Variants in ARHGAP25 observed in about 807,000 individuals in gnomAD.
ARHGAP25 encodes rho GTPase-activating protein 25.
In ARHGAP25, 34 loss-of-function variants were observed where a neutral mutation model predicts 71.0. The observed-to-expected ratio is 0.48, with a 90% CI of 0.36 to 0.64. The LOEUF (loss-of-function observed/expected upper bound fraction) is 0.64. ARHGAP25 is among the 30% of genes least tolerant of loss of function. The pLI is 0.00. For missense variants in ARHGAP25, 706 were observed against 805.1 expected (o/e 0.88, Z 1.49); for synonymous variants, 282 against 296.5 (o/e 0.95, Z 0.50).
chr2:68,810,359 C>A (rs1348559010), intron 5 of ARHGAP25, among the ~76,000 whole-genome samples: 1 of 152,132 alleles, frequency 6.6e-6, no homozygotes, highest in East Asian at 1.9e-4. Flanking sequence ...AGAACAGGGG[C>A]TTTTCACATG....
chr2:68,790,176 A>G (rs1219011675), intron 4 of ARHGAP25, among the ~76,000 whole-genome samples: 1 of 152,140 alleles, frequency 6.6e-6, no homozygotes, highest in Non-Finnish European at 1.5e-5. Flanking sequence ...TTTAGTAAAG[A>G]CAGGGTTTCA....
chr2:68,714,931 T>C (rs1324994068), intron 2 of ARHGAP25, among the ~76,000 whole-genome samples: 2 of 152,200 alleles, frequency 1.3e-5, no homozygotes, highest in Non-Finnish European at 1.5e-5. Flanking sequence ...TAATAAAATG[T>C]CTCACTTCCC....
chr2:68,816,211 T>C, intron 6 of ARHGAP25, 78 bp from the exon 7 acceptor site: 1 of 1,200,578 alleles, frequency 8.3e-7, no homozygotes. Flanking sequence ...ACACCAATTC[T>C]GTCCCAGGGT....
At chr2:68,782,903 A>G (rs886431124) in intron 3 of ARHGAP25, among the ~76,000 whole-genome samples, 55 of 152,316 alleles carry the variant, frequency 3.6e-4, no homozygotes, top group African/African-American at 1.3e-3. Context: ...CCACACTGAG[A>G]TGCTTCTACT....
intron 3 of ARHGAP25, among the ~76,000 whole-genome samples, chr2:68,783,369 T>A (rs536335291): frequency 7.2e-5 from 11 of 152,298 alleles, no homozygotes; most frequent in South Asian, 4.1e-4. Context: ...AGAAAAAAAA[T>A]CCTAAACTTG....
At chr2:68,727,435 G>T (rs1286272720) in intron 2 of ARHGAP25, among the ~76,000 whole-genome samples, 2 of 152,144 alleles carry the variant, frequency 1.3e-5, no homozygotes, top group African/African-American at 4.8e-5. Context: ...GGAATGTAAA[G>T]GTTTGTGCCA....
In ARHGAP25 at chr2:68,755,097, C is replaced by A. The variant is rs1676400706; in HGVS notation, c.61+19837C>A. 4.6e-5 allele frequency among the ~76,000 whole-genome samples: 7 copies of A among 152,178 alleles called. No individual in the cohort carries two copies. The South Asian group carries it at 1.5e-3, about 32-fold the overall frequency. On this transcript the variant is annotated intron_variant, in intron 1 of 10. Transcript: ENST00000409202. The stretch of plus-strand genomic sequence containing the variant: ...TGGTGTCAAGAGTTGTTTTTGATAA[C>A]CTCAATCCAGTATATTCTGTAAATA...
chr2:68,807,580 A>G (rs2103627819), intron 5 of ARHGAP25, 100 bp downstream of exon 5: 7 of 1,184,270 alleles, frequency 5.9e-6, no homozygotes, highest in East Asian at 4.8e-5. Context: ...ACTTGCATAG[A>G]GACTTCTAAG....
At chr2:68,723,890 C>T (rs375646058) in intron 2 of ARHGAP25, among the ~76,000 whole-genome samples, 10 of 151,866 alleles carry the variant, frequency 6.6e-5, no homozygotes, top group South Asian at 2.1e-4. Context: ...CTTTCTCTCT[C>T]GGTGGGGCAG....
At chr2:68,723,035 GT>G (rs2104258927) in intron 2 of ARHGAP25, among the ~76,000 whole-genome samples, 1 of 152,258 alleles carries the variant, frequency 6.6e-6, no homozygotes, top group Admixed American at 6.5e-5. Context: ...CAGCGCCTCT[GT>G]TTTGCTTCTT....
At chr2:68,761,404 T>TA (rs1465966942) in intron 1 of ARHGAP25, among the ~76,000 whole-genome samples, 1 of 151,884 alleles carries the variant, frequency 6.6e-6, no homozygotes, top group African/African-American at 2.4e-5. Context: ...TCTGAAAATT[T>TA]AAAAAATTAC....
intron 6 of ARHGAP25, 102 bp from the exon 7 acceptor site, chr2:68,816,187 G>A (rs1681219964): frequency 1.0e-6 from 1 of 956,586 alleles, no homozygotes; most frequent in African/African-American, 1.6e-5. Flanking sequence ...CCAAAGTGTT[G>A]TTTCTGCACA....
intron 1 of ARHGAP25, among the ~76,000 whole-genome samples, chr2:68,756,870 A>T (rs551286548): frequency 4.6e-5 from 7 of 152,346 alleles, no homozygotes; most frequent in South Asian, 2.1e-4. Context: ...AAAGACTTTT[A>T]AAAAAATCTT....
chr2:68,750,361 C>G (rs1355584954), intron 1 of ARHGAP25, among the ~76,000 whole-genome samples: 1 of 149,844 alleles, frequency 6.7e-6, no homozygotes, highest in Non-Finnish European at 1.5e-5. Flanking sequence ...TTATTCTTGT[C>G]ACCCAGGCTG....
At chr2:68,735,934 A>G (rs942169741) in intron 1 of ARHGAP25, among the ~76,000 whole-genome samples, 3 of 152,206 alleles carry the variant, frequency 2.0e-5, no homozygotes, top group East Asian at 3.8e-4. Context: ...TGATAGTGAT[A>G]CATTAAGTTT....
intron 1 of ARHGAP25, among the ~76,000 whole-genome samples, chr2:68,761,770 T>G (rs1676836245): frequency 1.3e-5 from 2 of 152,114 alleles, no homozygotes; most frequent in African/African-American, 2.4e-5. Context: ...TTGAAACCCT[T>G]TTGCACTGTT....
At chr2:68,802,707 A>G (rs1227112399) in intron 4 of ARHGAP25, among the ~76,000 whole-genome samples, 1 of 148,164 alleles carries the variant, frequency 6.7e-6, no homozygotes, top group Non-Finnish European at 1.5e-5. Context: ...ATAGAGGAGA[A>G]AGAGAGAGAG....
intron 2 of ARHGAP25, among the ~76,000 whole-genome samples, chr2:68,717,184 A>G (rs1248930230): frequency 1.3e-5 from 2 of 152,206 alleles, no homozygotes; most frequent in African/African-American, 2.4e-5. Context: ...AGTGGTAAGT[A>G]TTTGTGCATC....
chr2:68,764,249 T>G (rs998277891), intron 1 of ARHGAP25, among the ~76,000 whole-genome samples: 7 of 152,216 alleles, frequency 4.6e-5, no homozygotes, highest in African/African-American at 1.7e-4. Flanking sequence ...TTCCCACATT[T>G]TGTTTATCCA....
Sources: allele counts gnomAD v4.1 joint callset (sites outside exome capture counted in the v4.1 genomes callset), GRCh38; gene constraint gnomAD v4.1.1; transcripts MANE v1.5; gene names NCBI Gene and HGNC (gene_info 2026-07-23, HGNC 2026-07-21).